OR51F1: variants seen among roughly 807,000 people sequenced by gnomAD.
The protein encoded by OR51F1 is olfactory receptor family 51 subfamily F member 1.
For missense variants in OR51F1, 438 were observed against 385.4 expected, an observed-to-expected ratio of 1.14 and a Z score of -1.14; for synonymous variants, 142 against 143.5, an observed-to-expected ratio of 0.99 and a Z score of 0.08.
chr11:4,769,407 A>G lies in OR51F1; in HGVS notation c.532T>C (p.Cys178Arg). 6.2e-7 allele frequency: 1 copy of G among 1,614,040 alleles called. No individual in the cohort carries two copies. Among genetic ancestry groups the G allele is most frequent in the South Asian group, 1.1e-5 (1 of 91,086 alleles). The change falls in exon 1 of 1, where the codon TGT becomes CGT. Residue 178 changes from cysteine to arginine, a missense_variant. Coordinates refer to ENST00000624103, the MANE Select transcript of OR51F1 (RefSeq NM_001004752.2). ...GAGTGAGAAAGGGCATTCATTCTAC[A>G]GAAATAGAGAGGCTTAAGGAGCAAA... ...LLLLLKPLYF[C>R]RMNALSHSYC... is the part of the protein sequence containing the mutation.
In OR51F1 at chr11:4,769,443, A is replaced by G; in HGVS notation, c.496T>C (p.Leu166=). The G allele has an allele frequency of 6.2e-7, 1 of 1,613,138 alleles. No individual in the cohort carries two copies. Among genetic ancestry groups the G allele is most frequent in the Non-Finnish European group, 8.5e-7 (1 of 1,179,090 alleles). ...LMITRAIVLI[L]PLLLLLKPLY... is the part of the protein sequence containing the mutation. ...GGCTTAAGGAGCAAAAGTAGTGGCA[A>G]TATTAGTACTATAGCACGTGTAATC... Residue 166 remains leucine, a synonymous_variant, in exon 1 of 1, where the codon TTG becomes CTG. Coordinates refer to ENST00000624103, the MANE Select transcript of OR51F1 (RefSeq NM_001004752.2).
rs1021883035 is a variant in OR51F1 at position 4,769,360 on chromosome 11, C to T, written c.579G>A (p.Val193=). 11 of 1,613,930 alleles carry T rather than the reference C, an allele frequency of 6.8e-6. No homozygotes were observed. Among genetic ancestry groups the T allele is most frequent in the Non-Finnish European group, 9.3e-6 (11 of 1,179,828 alleles). The change falls in exon 1 of 1, where the codon GTG becomes GTA. Residue 193 remains valine (V), a synonymous_variant. Transcript: ENST00000624103. ...LSHSYCYHPD[V]IQLACSDIRA... is the part of the protein sequence containing the mutation. ...GAATGTCTGAACATGCTAATTGAATCACATCTGGATGGTAACAATAGGAGT... is the reference window on the plus strand; with the variant it reads ...GAATGTCTGAACATGCTAATTGAATTACATCTGGATGGTAACAATAGGAGT...
In OR51F1 at chr11:4,769,056, CA is replaced by C. The variant is rs775519391; in HGVS notation, c.882del (p.Val295CysfsTer9). The C allele has an allele frequency of 5.1e-6, 8 of 1,554,644 alleles. No homozygotes were observed. Among genetic ancestry groups the C allele is most frequent in the East Asian group, 2.3e-5 (1 of 44,384 alleles). On this transcript the variant is annotated frameshift_variant, in exon 1 of 1. Transcript: ENST00000624103. LOFTEE classifies it high-confidence loss of function. ...ACACTGTCGATGATGGGGTTGAGCACAGGGGGTAAAAGCAGGTATACATTAG... is the reference window on the plus strand; with the variant it reads ...ACACTGTCGATGATGGGGTTGAGCACGGGGGTAAAAGCAGGTATACATTAG... ...VMANVYLLLPPVLNPIIDSVK... is the reference protein window; with the variant it reads ...VMANVYLLLPXVLNPIIDSVK...
rs748434208 is a variant in OR51F1 at position 4,769,539 on chromosome 11, C to G, written c.400G>C (p.Ala134Pro). 2 of 1,613,498 alleles carry G rather than the reference C, an allele frequency of 1.2e-6. No homozygotes were observed. Among genetic ancestry groups the G allele is most frequent in the Admixed American group, 3.3e-5 (2 of 60,000 alleles). Residue 134 changes from alanine (A) to proline (P), a missense_variant, in exon 1 of 1, where the codon GCC becomes CCC. Physicochemically the swap from Ala to Pro is conservative, Grantham distance 27. Coordinates refer to ENST00000624103, the MANE Select transcript of OR51F1 (RefSeq NM_001004752.2). Reference sequence around the variant, plus strand: ...GTGTACCTCAGAGGGTCACAGATGGCCACATAACGGTCAAAGGCTGTAGCC... The same window carrying G: ...GTGTACCTCAGAGGGTCACAGATGGGCACATAACGGTCAAAGGCTGTAGCC... The part of the protein sequence containing the change: ...LVATAFDRYV[A>P]ICDPLRYTTI...
rs749934139 is a variant in OR51F1 at position 4,769,679 on chromosome 11, A to C, written c.260T>G (p.Leu87Trp). 6.2e-7 allele frequency: 1 copy of C among 1,613,124 alleles called. No homozygotes were observed. The highest frequency in any genetic ancestry group is 8.5e-7 in the Non-Finnish European group (1 of 1,179,058). Residue 87 changes from leucine (L) to tryptophan (W), a missense_variant, in exon 1 of 1, where the codon TTG becomes TGG. Leu to Trp is a moderately conservative substitution (Grantham distance 61). Coordinates refer to ENST00000624103, the MANE Select transcript of OR51F1 (RefSeq NM_001004752.2). The part of the protein sequence containing the change: ...ATDLGLTVSS[L>W]STTLGILWFE... ...CCAGAGGATACCTAATGTTGTTGAC[A>C]ATGAAGAAACAGTCAAGCCCAGATC...
In OR51F1 at chr11:4,769,349, G is replaced by A. The variant is rs1848678425; in HGVS notation, c.590C>T (p.Ala197Val). 6.2e-7 allele frequency: 1 copy of A among 1,613,484 alleles called. No homozygotes were observed. Residue 197 changes from alanine (A) to valine (V), a missense_variant, in exon 1 of 1, where the codon GCA becomes GTA. Coordinates refer to ENST00000624103, the MANE Select transcript of OR51F1 (RefSeq NM_001004752.2). Reference protein sequence around the residue: ...YCYHPDVIQLACSDIRANSIC... With the variant: ...YCYHPDVIQLVCSDIRANSIC... ...GCTATTTGCCCGAATGTCTGAACAT[G>A]CTAATTGAATCACATCTGGATGGTA...
rs748434208 is a variant in OR51F1, at chr11:4,769,539, C to T, written c.400G>A (p.Ala134Thr). The change falls in exon 1 of 1, where the codon GCC becomes ACC. Residue 134 changes from alanine to threonine, a missense_variant. Coordinates refer to ENST00000624103, the MANE Select transcript of OR51F1 (RefSeq NM_001004752.2). ...GTGTACCTCAGAGGGTCACAGATGGCCACATAACGGTCAAAGGCTGTAGCC... is the reference window on the plus strand; with the variant it reads ...GTGTACCTCAGAGGGTCACAGATGGTCACATAACGGTCAAAGGCTGTAGCC... ...LVATAFDRYV[A>T]ICDPLRYTTI... is the part of the protein sequence containing the mutation. 6.2e-7 allele frequency: 1 copy of T among 1,613,498 alleles called. No individual in the cohort carries two copies. The highest frequency in any genetic ancestry group is 8.5e-7 in the Non-Finnish European group (1 of 1,179,516).
rs1298837900 is a variant in OR51F1 at position 4,769,321 on chromosome 11, G to A, written c.618C>T (p.Ile206=). ...LACSDIRANS[I]CGLIDLILTT... Reference sequence around the variant, plus strand: ...TCAGGATGAGATCAATTAATCCACAGATGCTATTTGCCCGAATGTCTGAAC... The same window carrying A: ...TCAGGATGAGATCAATTAATCCACAAATGCTATTTGCCCGAATGTCTGAAC... Residue 206 remains isoleucine, a synonymous_variant, in exon 1 of 1, where the codon ATC becomes ATT. Transcript: ENST00000624103. The A allele has an allele frequency of 5.0e-6, 8 of 1,613,180 alleles. No homozygotes were observed. The highest frequency in any genetic ancestry group is 5.9e-6 in the Non-Finnish European group (7 of 1,179,220).
chr11:4,769,622 C>A lies in OR51F1; in HGVS notation c.317G>T (p.Cys106Phe). 1 of 1,607,984 alleles carries A rather than the reference C, an allele frequency of 6.2e-7. No homozygotes were observed. The highest frequency in any genetic ancestry group is 1.4e-5 in the African/African-American group (1 of 71,472). The change falls in exon 1 of 1, where the codon TGC (cysteine) becomes TTC (phenylalanine). Residue 106 changes from cysteine (C) to phenylalanine (F), a missense_variant. Cys to Phe is a radical substitution (Grantham distance 205, BLOSUM62 -2). Transcript: ENST00000624103. ...FEAREISLYSCIVQMFFLHGF... is the reference protein window; with the variant it reads ...FEAREISLYSFIVQMFFLHGF... ...ATGAAGAAAAAACATCTGGACAATG[C>A]AGCTATATAGACTGATTTCACGTGC...
At position 4,769,603 on chromosome 11, in the gene OR51F1, A is replaced by C. The variant is rs751213449; in HGVS notation, c.336T>G (p.Phe112Leu). The C allele has an allele frequency of 3.7e-6, 6 of 1,613,238 alleles. No individual in the cohort carries two copies. The highest frequency in any genetic ancestry group is 4.2e-6 in the Non-Finnish European group (5 of 1,179,502). The change falls in exon 1 of 1, where the codon TTT becomes TTG. Residue 112 changes from phenylalanine (F) to leucine (L), a missense_variant. Transcript: ENST00000624103. ...SLYSCIVQMF[F>L]LHGFTFMESG... ...ATTCCATAAAAGTGAATCCATGAAG[A>C]AAAAACATCTGGACAATGCAGCTAT...
rs772609666 is a variant in OR51F1 at position 4,769,336 on chromosome 11, A to G, written c.603T>C (p.Ile201=). 1.8e-5 allele frequency: 29 copies of G among 1,613,726 alleles called. No individual in the cohort carries two copies. The highest frequency in any genetic ancestry group is 2.5e-5 in the Non-Finnish European group (29 of 1,179,564). Reference sequence around the variant, plus strand: ...TTAATCCACAGATGCTATTTGCCCGAATGTCTGAACATGCTAATTGAATCA... The same window carrying G: ...TTAATCCACAGATGCTATTTGCCCGGATGTCTGAACATGCTAATTGAATCA... ...PDVIQLACSD[I]RANSICGLID... is the part of the protein sequence containing the mutation. The change falls in exon 1 of 1, where the codon ATT becomes ATC. Residue 201 remains isoleucine (I), a synonymous_variant. Coordinates refer to ENST00000624103, the MANE Select transcript of OR51F1 (RefSeq NM_001004752.2).
Position 4,769,074 on chromosome 11 carries a change from A to G in OR51F1, c.865T>C (p.Tyr289His), listed in dbSNP as rs144710348. 13 of 1,571,570 alleles carry G rather than the reference A, an allele frequency of 8.3e-6. No homozygotes were observed. The highest frequency in any genetic ancestry group is 1.2e-5 in the South Asian group (1 of 83,214). Residue 289 changes from tyrosine (Y) to histidine (H), a missense_variant, in exon 1 of 1, where the codon TAC becomes CAC. Physicochemically the swap from Tyr to His is moderately conservative, Grantham distance 83 (BLOSUM62 2). Coordinates refer to ENST00000624103, the MANE Select transcript of OR51F1 (RefSeq NM_001004752.2). ...RVVHSVMANV[Y>H]LLLPPVLNPI... Reference sequence around the variant, plus strand: ...TTGAGCACAGGGGGTAAAAGCAGGTATACATTAGCCATCACTGAATGGACT... The same window carrying G: ...TTGAGCACAGGGGGTAAAAGCAGGTGTACATTAGCCATCACTGAATGGACT...
rs1298807931 is a variant in OR51F1 at position 4,769,536 on chromosome 11, T to C, written c.403A>G (p.Ile135Val). ...VATAFDRYVA[I>V]CDPLRYTTIL... is the part of the protein sequence containing the mutation. ...GTAGTGTACCTCAGAGGGTCACAGA[T>C]GGCCACATAACGGTCAAAGGCTGTA... The change falls in exon 1 of 1, where the codon ATC becomes GTC. Residue 135 changes from isoleucine to valine, a missense_variant. By Grantham distance (29) the Ile-to-Val change is conservative. Coordinates refer to ENST00000624103, the MANE Select transcript of OR51F1 (RefSeq NM_001004752.2). 1 of 1,613,818 alleles carries C rather than the reference T, an allele frequency of 6.2e-7. No homozygotes were observed. The highest frequency in any genetic ancestry group is 2.2e-5 in the East Asian group (1 of 44,876).
Position 4,769,817 on chromosome 11 carries a change from CAG to C in OR51F1, c.120_121del (p.Phe40LeufsTer26). The C allele has an allele frequency of 1.2e-6, 2 of 1,613,034 alleles. No individual in the cohort carries two copies. Among genetic ancestry groups the C allele is most frequent in the Non-Finnish European group, 1.7e-6 (2 of 1,179,054 alleles). On this transcript the variant is annotated frameshift_variant, in exon 1 of 1. Coordinates refer to ENST00000624103, the MANE Select transcript of OR51F1 (RefSeq NM_001004752.2). LOFTEE classifies it low-confidence loss of function (END_TRUNC). ...AGAGAGGGCAATGGCATAAAAACAA[CAG>C]AAAGGAATGGAGATCCAGACATGGG...
rs17324812 is a variant in OR51F1, at chr11:4,769,881, T to C, written c.58A>G (p.Thr20Ala). The change falls in exon 1 of 1, where the codon ACC becomes GCC. Residue 20 changes from threonine (T) to alanine (A), a missense_variant. Physicochemically the swap from Thr to Ala is moderately conservative, Grantham distance 58. Coordinates refer to ENST00000624103, the MANE Select transcript of OR51F1 (RefSeq NM_001004752.2). ...ILSNSTSKFP[T>A]FLLTGIPGLE... is the part of the protein sequence containing the mutation. ...CCAGGAATGCCGGTCAACAAGAAGG[T>C]TGGAAATTTAGATGTTGAGTTGCTT... The C allele has an allele frequency of 0.24, 391,604 of 1,608,486 alleles. 51,554 individuals carry two copies. The highest frequency in any genetic ancestry group is 0.27 in the Non-Finnish European group (317,070 of 1,174,946).
Position 4,768,996 on chromosome 11 carries a change from G to A in OR51F1, c.943C>T (p.Leu315=), listed in dbSNP as rs1450100685. Residue 315 remains leucine, a synonymous_variant, in exon 1 of 1, where the codon CTG becomes TTG. Coordinates refer to ENST00000624103, the MANE Select transcript of OR51F1 (RefSeq NM_001004752.2). ...ATGTCTGTTCATTTTGTAAGCAGCAGACTGAGCATAGCCTTGCGGATTTGT... is the reference window on the plus strand; with the variant it reads ...ATGTCTGTTCATTTTGTAAGCAGCAAACTGAGCATAGCCTTGCGGATTTGT... ...TKQIRKAMLS[L]LLTK is the part of the protein sequence containing the mutation. 7.3e-6 allele frequency: 11 copies of A among 1,505,980 alleles called. No homozygotes were observed. The highest frequency in any genetic ancestry group is 9.8e-6 in the Non-Finnish European group (11 of 1,126,904). The allele number at this position is 1,505,980 out of a possible 1,614,324, so 93.3% of individuals were successfully genotyped here.
At position 4,769,284 on chromosome 11, in the gene OR51F1, C is replaced by G. The variant is rs1324865799; in HGVS notation, c.655G>C (p.Asp219His). The change falls in exon 1 of 1, where the codon GAT becomes CAT. Residue 219 changes from aspartate (D) to histidine (H), a missense_variant. Asp to His is a moderately conservative substitution (Grantham distance 81, BLOSUM62 -1). Coordinates refer to ENST00000624103, the MANE Select transcript of OR51F1 (RefSeq NM_001004752.2). ...LIDLILTTGI[D>H]TPCIVLSYIL... ...TATGACAGGACAATGCATGGTGTAT[C>G]TATTCCAGTGGTCAGGATGAGATCA... The G allele has an allele frequency of 6.2e-7, 1 of 1,613,770 alleles. No homozygotes were observed. Among genetic ancestry groups the G allele is most frequent in the South Asian group, 1.1e-5 (1 of 91,066 alleles).
rs1440020905 is a variant in OR51F1, at chr11:4,769,378, A to G, written c.561T>C (p.Tyr187=). ...FCRMNALSHS[Y]CYHPDVIQLA... ...ATTGAATCACATCTGGATGGTAACAATAGGAGTGAGAAAGGGCATTCATTC... is the reference window on the plus strand; with the variant it reads ...ATTGAATCACATCTGGATGGTAACAGTAGGAGTGAGAAAGGGCATTCATTC... The change falls in exon 1 of 1, where the codon TAT becomes TAC. Residue 187 remains tyrosine, a synonymous_variant. Transcript: ENST00000624103. 1 of 1,614,100 alleles carries G rather than the reference A, an allele frequency of 6.2e-7. No homozygotes were observed. The highest frequency in any genetic ancestry group is 2.2e-5 in the East Asian group (1 of 44,890).
rs1319527879 is a variant in OR51F1, at chr11:4,769,203, C to A, written c.736G>T (p.Val246Phe). The change falls in exon 1 of 1, where the codon GTC becomes TTC. Residue 246 changes from valine (V) to phenylalanine (F), a missense_variant. By Grantham distance (50) the Val-to-Phe change is conservative (BLOSUM62 -1). Coordinates refer to ENST00000624103, the MANE Select transcript of OR51F1 (RefSeq NM_001004752.2). ...RIASPEEWHK[V>F]FSTCVSHVGA... Reference sequence around the variant, plus strand: ...ACATGGGAGACACAGGTGCTGAAGACCTTGTGCCATTCTTCAGGGGAGGCA... The same window carrying A: ...ACATGGGAGACACAGGTGCTGAAGAACTTGTGCCATTCTTCAGGGGAGGCA... The A allele has an allele frequency of 6.2e-7, 1 of 1,613,670 alleles. No homozygotes were observed. Among genetic ancestry groups the A allele is most frequent in the African/African-American group, 1.3e-5 (1 of 74,878 alleles).
Sources: gnomAD v4.1 joint callset for allele counts on GRCh38, gnomAD v4.1.1 for gene constraint, MANE v1.5 for transcripts, NCBI Gene and HGNC (gene_info 2026-07-23, HGNC 2026-07-21) for gene names.